Variants in RTN4 observed in about 807,000 individuals in gnomAD.
The protein encoded by RTN4 is reticulon 4, also known as reticulon-4.
RTN4 carries 32 observed loss-of-function variants against 90.4 expected under a neutral mutation model. The observed-to-expected ratio is 0.35, with a 90% CI of 0.27 to 0.48. RTN4 has a LOEUF of 0.48. Ranked by LOEUF, RTN4 falls within the 20% of genes least tolerant of loss-of-function variation. RTN4 has a pLI of 0.99. For synonymous variants in RTN4, 629 were observed against 552.5 expected, an observed-to-expected ratio of 1.14 and a Z score of -1.94; for missense variants, 1,706 against 1,430.2, an observed-to-expected ratio of 1.19 and a Z score of -3.11.
intron 5 of RTN4, among the ~76,000 whole-genome samples, chr2:54,980,832 A>G (rs564163549): frequency 6.6e-6 from 1 of 152,174 alleles, no homozygotes; most frequent in South Asian, 2.1e-4. Context: ...CCTCCTCCTC[A>G]ATCACTTTTC....
rs987814383 is a variant in RTN4 at position 55,026,789 on chromosome 2, T to C, written c.1310A>G (p.Asp437Gly). The C allele has an allele frequency of 6.2e-7, 1 of 1,613,980 alleles. No homozygotes were observed. The highest frequency in any genetic ancestry group is 8.5e-7 in the Non-Finnish European group (1 of 1,179,880). Residue 437 changes from aspartate to glycine, a missense_variant, in exon 3 of 9, where the codon GAT becomes GGT. Coordinates refer to ENST00000337526, the MANE Select transcript of RTN4 (RefSeq NM_020532.5). ...DSLEQTNHEK[D>G]SESSNDDTSF... is the part of the protein sequence containing the mutation. ...AGTATCATCATTACTACTCTCACTATCTTTTTCGTGATTAGTTTGCTCAAG... is the reference window on the plus strand; with the variant it reads ...AGTATCATCATTACTACTCTCACTACCTTTTTCGTGATTAGTTTGCTCAAG...
chr2:55,088,063 T>C (rs1451834320), intron 1 of RTN4, among the ~76,000 whole-genome samples: 1 of 152,252 alleles, frequency 6.6e-6, no homozygotes, highest in African/African-American at 2.4e-5. Flanking sequence ...TGCATGCAGA[T>C]GTCAGAAGAC....
chr2:55,073,667 A>T (rs1044015141), intron 2 of RTN4, among the ~76,000 whole-genome samples: 12 of 152,216 alleles, frequency 7.9e-5, no homozygotes, highest in Non-Finnish European at 2.9e-5. Context: ...AATTTTCAGA[A>T]TTCTCATTTA....
intron 1 of RTN4, among the ~76,000 whole-genome samples, chr2:55,041,464 C>T (rs1683070306): frequency 6.6e-6 from 1 of 151,924 alleles, no homozygotes; most frequent in African/African-American, 2.4e-5. Flanking sequence ...TATGGAAAAG[C>T]CGTTTAGCTA....
At chr2:54,995,833 G>A (rs1175141764) in intron 3 of RTN4, among the ~76,000 whole-genome samples, 1 of 152,060 alleles carries the variant, frequency 6.6e-6, no homozygotes, top group African/African-American at 2.4e-5. Flanking sequence ...TGCAGACATG[G>A]GGAGAACATA....
chr2:55,033,346 A>C (rs1682459263), intron 1 of RTN4, among the ~76,000 whole-genome samples: 1 of 152,238 alleles, frequency 6.6e-6, no homozygotes, highest in South Asian at 2.1e-4. Context: ...AATTATATAC[A>C]GATGATCCTC....
rs199774136 is a variant in RTN4 at position 55,025,158 on chromosome 2, G to A, written c.2941C>T (p.Leu981Phe). 543 of 1,613,716 alleles carry A rather than the reference G, an allele frequency of 3.4e-4. 2 individuals carry two copies. Among genetic ancestry groups the A allele is most frequent in the Admixed American group, 3.0e-4 (18 of 59,952 alleles). ...TCCTCTTTTTCTGTATCGGAAGGAA[G>A]TTTTTTCTCAGCTTCTTTCACAAGA... ...KVLVKEAEKK[L>F]PSDTEKEDRS... is the part of the protein sequence containing the mutation. Residue 981 changes from leucine to phenylalanine, a missense_variant, in exon 3 of 9, where the codon CTT becomes TTT. Physicochemically the swap from Leu to Phe is conservative, Grantham distance 22 (BLOSUM62 0). Transcript: ENST00000337526.
the RTN4 span, among the ~76,000 whole-genome samples, chr2:55,128,845 G>A: frequency 2.0e-5 from 3 of 150,530 alleles, no homozygotes; most frequent in Admixed American, 6.6e-5. Flanking sequence ...GGTGGCTCAC[G>A]CCTGTAATCC....
chr2:55,048,979 C>G, intron 1 of RTN4: 3 of 445,438 alleles, frequency 6.7e-6, no homozygotes, highest in Non-Finnish European at 5.9e-6. Flanking sequence ...ACTACGCCCC[C>G]TCGAACACAA....
At chr2:55,039,395 A>G (rs888544927) in intron 1 of RTN4, among the ~76,000 whole-genome samples, 13 of 152,228 alleles carry the variant, frequency 8.5e-5, no homozygotes, top group African/African-American at 3.1e-4. Flanking sequence ...TAATAAATCA[A>G]ATTGATCTAT....
intron 2 of RTN4, among the ~76,000 whole-genome samples, chr2:55,080,185 T>C (rs1018175713): frequency 8.5e-5 from 13 of 152,052 alleles, no homozygotes; most frequent in African/African-American, 3.1e-4. Context: ...CCCGGCTAAC[T>C]TTTTGTATTT....
At chr2:55,049,656 A>C in intron 1 of RTN4, 89 bp downstream of exon 1, 15 of 1,528,876 alleles carry the variant, frequency 9.8e-6, no homozygotes, top group Non-Finnish European at 1.3e-5. Flanking sequence ...CGGGGCGGAG[A>C]GGAGGGACCA....
intron 1 of RTN4, among the ~76,000 whole-genome samples, chr2:55,097,613 G>A (rs1224681157): frequency 6.6e-6 from 1 of 152,150 alleles, no homozygotes; most frequent in East Asian, 1.9e-4. Flanking sequence ...CAGACTGTCA[G>A]AGGTAGAGCT....
At chr2:55,032,637 CACA>C (rs1351181872) in intron 1 of RTN4, among the ~76,000 whole-genome samples, 1 of 151,920 alleles carries the variant, frequency 6.6e-6, no homozygotes, top group Non-Finnish European at 1.5e-5. Context: ...CAAACTGAAA[CACA>C]ACAAGGGAAA....
At chr2:55,027,563 A>G in intron 2 of RTN4, 78 bp from the exon 3 acceptor site, 1 of 1,432,694 alleles carries the variant, frequency 7.0e-7, no homozygotes, top group Non-Finnish European at 9.4e-7. Flanking sequence ...ACAGATCCAA[A>G]ATAGTGTTAG....
At chr2:55,127,844 G>T in the RTN4 span, among the ~76,000 whole-genome samples, 1 of 152,080 alleles carries the variant, frequency 6.6e-6, no homozygotes, top group East Asian at 1.9e-4. Context: ...TACAAATGCA[G>T]ATACTTCAGT....
chr2:55,036,712 C>G (rs929129358), intron 1 of RTN4, among the ~76,000 whole-genome samples: 1 of 151,538 alleles, frequency 6.6e-6, no homozygotes, highest in Non-Finnish European at 1.5e-5. Flanking sequence ...ATATGATCAT[C>G]TCAACAAATG....
At chr2:54,975,099 A>T (rs988160938) in intron 5 of RTN4, among the ~76,000 whole-genome samples, 1 of 152,202 alleles carries the variant, frequency 6.6e-6, no homozygotes, top group East Asian at 1.9e-4. Flanking sequence ...GTGTTATGAG[A>T]ATTGTCTATT....
At chr2:55,137,810 C>T in the RTN4 span, among the ~76,000 whole-genome samples, 2 of 152,188 alleles carry the variant, frequency 1.3e-5, no homozygotes, top group East Asian at 3.8e-4. Context: ...GAACCTGCCG[C>T]AGGCCTGTGC....
Sources: gnomAD v4.1 joint callset for allele counts (sites outside exome capture counted in the v4.1 genomes callset) on GRCh38, gnomAD v4.1.1 for gene constraint, MANE v1.5 for transcripts, NCBI Gene and HGNC (gene_info 2026-07-23, HGNC 2026-07-21) for gene names.